The following OBP2B variants were observed in gnomAD, a reference collection of about 807,000 sequenced individuals.
OBP2B encodes odorant-binding protein 2b.
OBP2B carries 10 observed loss-of-function variants against 21.7 expected under a neutral mutation model. The ratio of observed to expected loss-of-function variants is 0.46; its 90% CI spans 0.28 to 0.78. The LOEUF is 0.78. OBP2B is among the 30% of genes least tolerant of loss of function. The pLI is 0.11. For missense variants in OBP2B, 153 were observed against 217.7 expected (o/e 0.70, Z 1.87); for synonymous variants, 73 against 91.5 (o/e 0.80, Z 1.16).
chr9:133,206,819 C>A (rs1190171861), intron 4 of OBP2B, among the ~76,000 whole-genome samples: 1 of 151,874 alleles, frequency 6.6e-6, no homozygotes, highest in Non-Finnish European at 1.5e-5. Context: ...CCCCAGGGGA[C>A]CTGGGCAGCT....
chr9:133,206,548 G>T, intron 4 of OBP2B, 132 bp from the exon 5 acceptor site: 1 of 1,192,294 alleles, frequency 8.4e-7, no homozygotes, highest in Non-Finnish European at 1.2e-6. Context: ...ATCAGAGCTC[G>T]GGGGTGGGGC....
rs181699296 is a variant in OBP2B, at chr9:133,205,784, G to A, written c.*1+133C>T. Reference sequence around the variant, plus strand: ...ACTGTGGGTGGGCAGACTCTGAGGTGCCAACCTCGTGCCTGACCCTGGGGG... The same window carrying A: ...ACTGTGGGTGGGCAGACTCTGAGGTACCAACCTCGTGCCTGACCCTGGGGG... On this transcript the variant is annotated intron_variant, in intron 6 of 6. Coordinates refer to ENST00000372034, the MANE Select transcript of OBP2B (RefSeq NM_014581.4). 248 of 1,389,522 alleles carry A rather than the reference G, an allele frequency of 1.8e-4. No individual in the cohort carries two copies. The African/African-American group carries it at 3.0e-3, about 17-fold the overall frequency. The allele number at this position is 1,389,522 out of a possible 1,614,324, so 86.1% of individuals were successfully genotyped here. A position where few individuals can be genotyped will look rare whatever the true frequency, so the allele number is the denominator to read the frequency against.
the OBP2B span, among the ~76,000 whole-genome samples, chr9:133,220,449 C>T: frequency 6.6e-6 from 1 of 152,210 alleles, no homozygotes; most frequent in South Asian, 2.1e-4. Context: ...CAGTTCCCCC[C>T]ATGGGCAGAC....
the OBP2B span, among the ~76,000 whole-genome samples, chr9:133,220,001 GA>G: frequency 6.6e-6 from 1 of 152,196 alleles, no homozygotes; most frequent in Non-Finnish European, 1.5e-5. Flanking sequence ...TATGCTAAGG[GA>G]AAGAAACCAG....
chr9:133,212,805 C>T (rs532516585), upstream of OBP2B, among the ~76,000 whole-genome samples: 1 of 152,160 alleles, frequency 6.6e-6, no homozygotes, highest in African/African-American at 2.4e-5. Flanking sequence ...GTGGTGCACG[C>T]CTGTAATCCC....
intron 6 of OBP2B, 95 bp downstream of exon 6, chr9:133,205,822 T>C (rs1297168080): frequency 3.2e-6 from 5 of 1,574,522 alleles, no homozygotes; most frequent in Non-Finnish European, 4.4e-6. Context: ...TCTCCCTGGC[T>C]GTGTGGGATG....
chr9:133,212,754 A>T (rs540234591), upstream of OBP2B, among the ~76,000 whole-genome samples: 19 of 152,316 alleles, frequency 1.2e-4, no homozygotes, highest in African/African-American at 4.6e-4. Flanking sequence ...AACATGGCGA[A>T]AACCCATCTC....
Position 133,205,954 on chromosome 9 carries a change from G to T in OBP2B, c.491-14C>A. 1.9e-6 allele frequency: 3 copies of T among 1,613,866 alleles called. No homozygotes were observed. The highest frequency in any genetic ancestry group is 8.5e-7 in the Non-Finnish European group (1 of 1,179,816). On this transcript the variant is annotated splice_polypyrimidine_tract_variant and intron_variant, in intron 5 of 6. Coordinates refer to ENST00000372034, the MANE Select transcript of OBP2B (RefSeq NM_014581.4). ...GAACGCAGCTTCCTGCAGAGACCAA[G>T]AAAAACCCAGGGATTAGAAGGCGCC...
At position 133,208,122 on chromosome 9, in the gene OBP2B, G is replaced by A; in HGVS notation, c.277+11C>T. 2 of 1,383,564 alleles carry A rather than the reference G, an allele frequency of 1.4e-6. No individual in the cohort carries two copies. The highest frequency in any genetic ancestry group is 2.0e-6 in the Non-Finnish European group (2 of 992,934). The allele number at this position is 1,383,564 out of a possible 1,614,324, so 85.7% of individuals were successfully genotyped here. ...GGGGAGGGTGGGGGTGGGAGTGGGG[G>A]AGGGGCTCACAGGCGCTGTATTTGC... On this transcript the variant is annotated intron_variant, in intron 3 of 6. Coordinates refer to ENST00000372034, the MANE Select transcript of OBP2B (RefSeq NM_014581.4).
the OBP2B span, among the ~76,000 whole-genome samples, chr9:133,223,182 G>A: frequency 2.1e-3 from 324 of 152,316 alleles, 3 homozygotes; most frequent in African/African-American, 7.6e-3. The surrounding 1 kb of genome is among the most constrained non-coding windows in gnomAD (Gnocchi z 4.4). Context: ...GGGCTGGGAC[G>A]CCAGGATGGC....
chr9:133,207,169 G>T, intron 4 of OBP2B, 57 bp downstream of exon 4: 1 of 1,211,302 alleles, frequency 8.3e-7, no homozygotes, highest in Non-Finnish European at 1.2e-6. Context: ...TGGTTCCACC[G>T]GCTTCCAGAG....
At chr9:133,210,033 G>A (rs1381023349), upstream of OBP2B, among the ~76,000 whole-genome samples, 1 of 152,072 alleles carries the variant, frequency 6.6e-6, no homozygotes, top group African/African-American at 2.4e-5. Flanking sequence ...ACGGCCCCCA[G>A]CCCCCAGGAC....
the OBP2B span, among the ~76,000 whole-genome samples, chr9:133,217,318 C>T: frequency 6.6e-6 from 1 of 152,174 alleles, no homozygotes; most frequent in Non-Finnish European, 1.5e-5. Context: ...AATGTCTTGC[C>T]TCCAGCTCCA....
At chr9:133,208,247 A>G (rs781848073) in intron 2 of OBP2B, 44 bp from the exon 3 acceptor site, 1 of 1,610,496 alleles carries the variant, frequency 6.2e-7, no homozygotes, top group Non-Finnish European at 8.5e-7. Flanking sequence ...CAGGACACCC[A>G]TGGCCCATCC....
At chr9:133,206,791 C>G (rs2119390282) in intron 4 of OBP2B, among the ~76,000 whole-genome samples, 1 of 151,996 alleles carries the variant, frequency 6.6e-6, no homozygotes, top group African/African-American at 2.4e-5. Flanking sequence ...GGCGGGGACT[C>G]TCCAAGCCAC....
the OBP2B span, among the ~76,000 whole-genome samples, chr9:133,221,558 A>G: frequency 2.6e-5 from 4 of 152,316 alleles, no homozygotes; most frequent in South Asian, 8.3e-4. Context: ...TTGGCCACAG[A>G]CGTGGTAATG....
chr9:133,219,076 C>T, the OBP2B span, among the ~76,000 whole-genome samples: 3 of 152,240 alleles, frequency 2.0e-5, no homozygotes, highest in African/African-American at 7.2e-5. Context: ...AACTGGATGT[C>T]CACATGCAAA....
intron 3 of OBP2B, among the ~76,000 whole-genome samples, chr9:133,207,588 C>A (rs1833773868): frequency 1.3e-5 from 2 of 152,126 alleles, no homozygotes; most frequent in African/African-American, 4.8e-5. Flanking sequence ...CCAGCAGCTG[C>A]TCCTGCCCCA....
rs782278330 is a variant in OBP2B at position 133,206,372 on chromosome 9, T to C, written c.433A>G (p.Lys145Glu). 147 of 1,613,824 alleles carry C rather than the reference T, an allele frequency of 9.1e-5. No homozygotes were observed. The highest frequency in any genetic ancestry group is 1.1e-4 in the Non-Finnish European group (130 of 1,179,976). Residue 145 changes from lysine to glutamate, a missense_variant, in exon 5 of 7, where the codon AAA (lysine) becomes GAA (glutamate). Coordinates refer to ENST00000372034, the MANE Select transcript of OBP2B (RefSeq NM_014581.4). ...GAGAGTCCCTTGCGCTGCACCAATT[T>C]CTTAAATTCTTCCAGGGCCTCCCGG... ...TNREALEEFK[K>E]LVQRKGLSEE...
Sources: gnomAD v4.1 joint callset for allele counts (sites outside exome capture counted in the v4.1 genomes callset) on GRCh38, gnomAD v4.1.1 for gene constraint, Gnocchi (gnomAD v3.1) non-coding constraint, MANE v1.5 for transcripts, NCBI Gene and HGNC (gene_info 2026-07-23, HGNC 2026-07-21) for gene names.